COPA: variants seen among roughly 807,000 people sequenced by gnomAD.
COPA encodes the protein coatomer subunit alpha.
Under a neutral mutation model 158.7 loss-of-function variants are expected in COPA, and 10 were observed. The ratio of observed to expected loss-of-function variants is 0.06; its 90% confidence interval spans 0.04 to 0.11. The LOEUF is 0.11. Among genes scored for constraint, COPA ranks in the 10% least tolerant of loss-of-function variants. The pLI, the probability that COPA is intolerant of heterozygous loss-of-function variation, is 1.00. For missense variants in COPA, 1,065 were observed against 1,536.7 expected, an observed-to-expected ratio of 0.69 and a Z score of 5.13; for synonymous variants, 462 against 542.8, an observed-to-expected ratio of 0.85 and a Z score of 2.07.
intron 8 of COPA, among the ~76,000 whole-genome samples, chr1:160,314,342 C>T (rs1450937701): frequency 6.6e-6 from 1 of 152,106 alleles, no homozygotes; most frequent in Non-Finnish European, 1.5e-5. Flanking sequence ...AAAACCTCTT[C>T]TCTTGGCCAG....
chr1:160,289,514 C>A lies in COPA; in HGVS notation c.*643G>T, dbSNP rs1658148954. The A allele has an allele frequency of 6.6e-6, 1 of 151,684 alleles. No individual in the cohort carries two copies. The highest frequency in any genetic ancestry group is 6.6e-5 in the Admixed American group (1 of 15,226). The allele number at this position is 151,684 out of a possible 1,614,324, so 9.4% of individuals were successfully genotyped here. On this transcript the variant is annotated 3_prime_UTR_variant, in exon 33 of 33. Coordinates refer to ENST00000241704, the MANE Select transcript of COPA (RefSeq NM_004371.4). ...TTACATCCTGCTCCTTTCTAGTTGA[C>A]AGGAAAGAAAGCTGCTGTGGGGAAA... is the stretch of plus-strand genomic sequence containing the variant.
At chr1:160,334,290 C>T (rs956010997) in intron 4 of COPA, among the ~76,000 whole-genome samples, 25 of 152,170 alleles carry the variant, frequency 1.6e-4, no homozygotes, top group African/African-American at 3.9e-4. Flanking sequence ...AGTATCTCTA[C>T]CTTCAGTATT....
intron 27 of COPA, 54 bp downstream of exon 27, chr1:160,293,112 C>T (rs1658293223): frequency 6.5e-7 from 1 of 1,547,428 alleles, no homozygotes; most frequent in Admixed American, 1.8e-5. Context: ...AGTCAACCAT[C>T]TCCCGGGGAC....
chr1:160,341,988 C>T (rs1648087826), intron 1 of COPA, among the ~76,000 whole-genome samples: 1 of 152,164 alleles, frequency 6.6e-6, no homozygotes, highest in Non-Finnish European at 1.5e-5. Flanking sequence ...CTCAGAAATT[C>T]TTAATGGTAC....
chr1:160,328,674 T>G (rs1396336232), intron 6 of COPA, among the ~76,000 whole-genome samples: 1 of 152,240 alleles, frequency 6.6e-6, no homozygotes, highest in Non-Finnish European at 1.5e-5. Context: ...GGGCTTGACA[T>G]GCAAAGGTAT....
rs151337698 is a variant in COPA, at chr1:160,313,236, A to G, written c.843-69T>C. On this transcript the variant is annotated intron_variant, in intron 9 of 32. Coordinates refer to ENST00000241704, the MANE Select transcript of COPA (RefSeq NM_004371.4). Reference sequence around the variant, plus strand: ...TCTTCAGCCCATCCTACACAAGAATATTAAATGGTAAGCCAGCAAGCTGAT... The same window carrying G: ...TCTTCAGCCCATCCTACACAAGAATGTTAAATGGTAAGCCAGCAAGCTGAT... 7,506 of 1,376,964 alleles carry G rather than the reference A, an allele frequency of 5.5e-3. 42 individuals carry two copies. Among genetic ancestry groups the G allele is most frequent in the South Asian group, 8.6e-3 (719 of 83,966 alleles). The allele number at this position is 1,376,964 out of a possible 1,614,324, so 85.3% of individuals were successfully genotyped here.
In COPA at chr1:160,307,036, A is replaced by G; in HGVS notation, c.1302+127T>C. 4 of 874,996 alleles carry G rather than the reference A, an allele frequency of 4.6e-6. No homozygotes were observed. The South Asian group carries it at 5.5e-5, about 12-fold the overall frequency. 54.2% of individuals were successfully genotyped at this position (874,996 alleles called of 1,614,324 possible). A position where few individuals can be genotyped will look rare whatever the true frequency, so the allele number is the denominator to read the frequency against. On this transcript the variant is annotated intron_variant, in intron 14 of 32. Coordinates refer to ENST00000241704, the MANE Select transcript of COPA (RefSeq NM_004371.4). Reference sequence around the variant, plus strand: ...TTAGTGTAGGGCTAGAGACAGAGGTACAGCCAATACATGAGAATCACGGCT... The same window carrying G: ...TTAGTGTAGGGCTAGAGACAGAGGTGCAGCCAATACATGAGAATCACGGCT...
In COPA at chr1:160,298,922, A is replaced by C; in HGVS notation, c.1900T>G (p.Tyr634Asp). 6.2e-7 allele frequency: 1 copy of C among 1,614,160 alleles called. No individual in the cohort carries two copies. Among genetic ancestry groups the C allele is most frequent in the Non-Finnish European group, 8.5e-7 (1 of 1,180,020 alleles). The change falls in exon 19 of 33, where the codon TAT becomes GAT. Residue 634 changes from tyrosine (Y) to aspartate (D), a missense_variant. This residue lies in a region of COPA where 980 missense variants were observed against 1,357.8 expected (regional missense o/e 0.72). Transcript: ENST00000241704. ...SIIAYLQKKGYPEVALHFVKD... is the reference protein window; with the variant it reads ...SIIAYLQKKGDPEVALHFVKD... ...ACAAAATGCAGTGCCACTTCAGGAT[A>C]GCCCTTCTTCTGGAGATAAGCAATA...
chr1:160,323,616 T>C (rs905990612), intron 7 of COPA, 86 bp from the exon 8 acceptor site: 2 of 1,026,352 alleles, frequency 1.9e-6, no homozygotes, highest in Non-Finnish European at 2.8e-6. Context: ...TTGTAAAAAA[T>C]GTCTCTGATT....
chr1:160,308,715 G>A (rs1368463590), intron 13 of COPA, among the ~76,000 whole-genome samples: 1 of 152,190 alleles, frequency 6.6e-6, no homozygotes, highest in Non-Finnish European at 1.5e-5. Context: ...ATCGGATCTG[G>A]ATGTGGATAG....
At chr1:160,292,893 T>C (rs562581925) in intron 27 of COPA, among the ~76,000 whole-genome samples, 7 of 152,124 alleles carry the variant, frequency 4.6e-5, no homozygotes, top group Non-Finnish European at 1.0e-4. Flanking sequence ...AGACCTCTGC[T>C]TGGAAAGGGG....
At chr1:160,317,409 C>T (rs563066730) in intron 8 of COPA, 1 of 1,607,068 alleles carries the variant, frequency 6.2e-7, no homozygotes, top group African/African-American at 1.3e-5. Flanking sequence ...TCATGTCTGA[C>T]CAGGAGGCAA....
chr1:160,322,532 A>T (rs1183580602), intron 8 of COPA, among the ~76,000 whole-genome samples: 7 of 152,240 alleles, frequency 4.6e-5, no homozygotes, highest in Non-Finnish European at 7.3e-5. Context: ...CAAAATGCTC[A>T]TCAATAATTA....
In COPA at chr1:160,291,422, C is replaced by A; in HGVS notation, c.3333G>T (p.Leu1111=). 6.2e-7 allele frequency: 1 copy of A among 1,614,144 alleles called. No homozygotes were observed. Among genetic ancestry groups the A allele is most frequent in the East Asian group, 2.2e-5 (1 of 44,876 alleles). Residue 1111 remains leucine, a synonymous_variant, in exon 31 of 33, where the codon CTG becomes CTT. Transcript: ENST00000241704. The part of the protein sequence containing the change: ...MILVLRTALN[L]FFKLKNFKTA... ...TCTTGAAGTTCTTGAGCTTGAAGAA[C>A]AGATTGAGGGCTGTACGCAGCACCA...
chr1:160,329,472 A>C (rs1647404164), intron 6 of COPA, among the ~76,000 whole-genome samples: 1 of 152,064 alleles, frequency 6.6e-6, no homozygotes, highest in Non-Finnish European at 1.5e-5. Flanking sequence ...CTCTGTCTGC[A>C]AAAGGTAAAG....
intron 12 of COPA, among the ~76,000 whole-genome samples, chr1:160,309,463 A>G (rs1658892571): frequency 6.6e-6 from 1 of 151,996 alleles, no homozygotes; most frequent in South Asian, 2.1e-4. Context: ...AAATTAACAG[A>G]CTAGGACCCT....
intron 1 of COPA, among the ~76,000 whole-genome samples, chr1:160,341,129 T>C (rs981376893): frequency 1.3e-5 from 2 of 152,172 alleles, no homozygotes; most frequent in African/African-American, 4.8e-5. Context: ...ATAGTTAAGG[T>C]GGGAAGGTAA....
intron 10 of COPA, 93 bp downstream of exon 10, chr1:160,312,977 TCTTCTTGTCATCCTA>T: frequency 1.0e-6 from 1 of 990,746 alleles, no homozygotes; most frequent in Non-Finnish European, 1.5e-6. Flanking sequence ...GAGTCCTTCT[TCTTCTTGTCATCCTA>T]CTATACATTT....
At chr1:160,304,490 CCT>C (rs1164667107) in intron 17 of COPA, among the ~76,000 whole-genome samples, 1 of 151,484 alleles carries the variant, frequency 6.6e-6, no homozygotes, top group Non-Finnish European at 1.5e-5. Flanking sequence ...ATGGTGAAAC[CCT>C]GTCTCTACTA....
Sources: gnomAD v4.1 joint callset for allele counts (sites outside exome capture counted in the v4.1 genomes callset) on GRCh38, gnomAD v4.1.1 for gene constraint, gnomAD v4.1.1 regional missense constraint, MANE v1.5 for transcripts, NCBI Gene and HGNC (gene_info 2026-07-23, HGNC 2026-07-21) for gene names.